MCPH1: variants seen among roughly 807,000 people sequenced by gnomAD.
MCPH1 encodes the protein microcephalin 1.
Under a neutral mutation model 84.5 loss-of-function variants are expected in MCPH1, and 104 were observed. That is an observed-to-expected ratio of 1.23 (90% CI 1.05 to 1.45). The LOEUF is 1.45. Ranked by LOEUF, MCPH1 falls within the 40% of genes most tolerant of loss-of-function variation. MCPH1 has a pLI of 0.00. For missense variants in MCPH1, 1,498 were observed against 1,005.7 expected, an observed-to-expected ratio of 1.49 and a Z score of -6.62; for synonymous variants, 514 against 366.8, an observed-to-expected ratio of 1.40 and a Z score of -4.58.
chr8:6,623,362 C>T (rs1042468107), intron 13 of MCPH1, among the ~76,000 whole-genome samples: 1 of 152,070 alleles, frequency 6.6e-6, no homozygotes, highest in South Asian at 2.1e-4. Flanking sequence ...CAATCTCTCT[C>T]TCTCTCTCCT....
chr8:6,413,713 T>TA (rs1273352072), intron 2 of MCPH1, among the ~76,000 whole-genome samples: 2 of 151,978 alleles, frequency 1.3e-5, no homozygotes, highest in Non-Finnish European at 2.9e-5. Flanking sequence ...AGGATCCTAT[T>TA]AAAAAATAAT....
At position 6,626,058 on chromosome 8, in the gene MCPH1, G is replaced by A; in HGVS notation, c.2452+4367G>A. The A allele has an allele frequency of 4.1e-6, 4 of 985,382 alleles. No homozygotes were observed. In the South Asian group the frequency reaches 1.9e-4, roughly 46 times the overall value. The allele number at this position is 985,382 out of a possible 1,614,324, so 61.0% of individuals were successfully genotyped here. A position where few individuals can be genotyped will look rare whatever the true frequency, so the allele number is the denominator to read the frequency against. On this transcript the variant is annotated intron_variant, in intron 13 of 13. Transcript: ENST00000344683. ...CACCACAGTCCACCCGCCAGCCTTTGTTCCTGCACAGTCTGCCTCTCAAGA... is the reference window on the plus strand; with the variant it reads ...CACCACAGTCCACCCGCCAGCCTTTATTCCTGCACAGTCTGCCTCTCAAGA...
chr8:6,626,477 T>TTG (rs202207910), intron 13 of MCPH1: 7,862 of 784,830 alleles, frequency 0.01, 25 homozygotes, highest in African/African-American at 0.028. Context: ...TTGTTTTGTT[T>TTG]TTTTTTTTTT....
chr8:6,643,412 G>C lies in MCPH1; in HGVS notation c.*363G>C, dbSNP rs1798058699. On this transcript the variant is annotated 3_prime_UTR_variant, in exon 14 of 14. Coordinates refer to ENST00000344683, the MANE Select transcript of MCPH1 (RefSeq NM_024596.5). ...CCTGAGTAGCTGGGATTACAGATGTGTGCCACCATGCCTGGCTAATTTTTG... is the reference window on the plus strand; with the variant it reads ...CCTGAGTAGCTGGGATTACAGATGTCTGCCACCATGCCTGGCTAATTTTTG... 1 of 293,480 alleles carries C rather than the reference G, an allele frequency of 3.4e-6. No individual in the cohort carries two copies. The highest frequency in any genetic ancestry group is 6.6e-6 in the Non-Finnish European group (1 of 152,616). 18.2% of individuals were successfully genotyped at this position (293,480 alleles called of 1,614,324 possible).
At chr8:6,589,339 ATATT>A (rs1828262272) in intron 12 of MCPH1, among the ~76,000 whole-genome samples, 1 of 152,198 alleles carries the variant, frequency 6.6e-6, no homozygotes, top group Non-Finnish European at 1.5e-5. Context: ...TGAGTGGAGA[ATATT>A]TATATGCTAT....
chr8:6,441,945 T>G, intron 6 of MCPH1, 122 bp from the exon 7 acceptor site: 4 of 718,164 alleles, frequency 5.6e-6, no homozygotes, highest in Non-Finnish European at 2.5e-6. Context: ...AGATCCCTTC[T>G]AACTTTGTGA....
chr8:6,429,103 G>A (rs1355885563), intron 3 of MCPH1, among the ~76,000 whole-genome samples: 1 of 152,208 alleles, frequency 6.6e-6, no homozygotes, highest in Non-Finnish European at 1.5e-5. Context: ...TGATTGCAGT[G>A]TACATGATAC....
chr8:6,624,603 G>C (rs1462045964), intron 13 of MCPH1, among the ~76,000 whole-genome samples: 5 of 152,120 alleles, frequency 3.3e-5, no homozygotes, highest in African/African-American at 4.8e-5. Context: ...ATAAAGAAGG[G>C]TTTATTTTTC....
At chr8:6,484,662 A>G (rs1809641355) in intron 11 of MCPH1, among the ~76,000 whole-genome samples, 1 of 152,218 alleles carries the variant, frequency 6.6e-6, no homozygotes, top group Admixed American at 6.5e-5. Flanking sequence ...AGCTGGACCA[A>G]CCATACTGTG....
rs187364318 is a variant in MCPH1 at position 6,436,021 on chromosome 8, A to C, written c.322-27A>C. Reference sequence around the variant, plus strand: ...CTGCCTTAAGCAGTTGCAGTACAGCATTAATTTTTGTGTTCTTTTTGCACA... The same window carrying C: ...CTGCCTTAAGCAGTTGCAGTACAGCCTTAATTTTTGTGTTCTTTTTGCACA... On this transcript the variant is annotated intron_variant, in intron 4 of 13. Coordinates refer to ENST00000344683, the MANE Select transcript of MCPH1 (RefSeq NM_024596.5). 8.1e-6 allele frequency: 13 copies of C among 1,611,978 alleles called. No homozygotes were observed. In the South Asian group the frequency reaches 1.4e-4, roughly 18 times the overall value.
At chr8:6,487,661 G>C (rs1214850938) in intron 11 of MCPH1, among the ~76,000 whole-genome samples, 1 of 152,160 alleles carries the variant, frequency 6.6e-6, no homozygotes, top group East Asian at 1.9e-4. Context: ...TGCCCTTCAG[G>C]TCTCTCTGGC....
At chr8:6,569,910 G>A (rs1826520821) in intron 12 of MCPH1, among the ~76,000 whole-genome samples, 1 of 152,184 alleles carries the variant, frequency 6.6e-6, no homozygotes, top group African/African-American at 2.4e-5. Context: ...TTGTATGAAA[G>A]CTCACCAGAC....
At chr8:6,407,576 G>A (rs11777868) in intron 1 of MCPH1, among the ~76,000 whole-genome samples, 42 of 152,240 alleles carry the variant, frequency 2.8e-4, no homozygotes, top group African/African-American at 8.9e-4. Flanking sequence ...TGTATTGTGG[G>A]GCCTGGAGTC....
chr8:6,408,818 C>T (rs931436781), intron 1 of MCPH1, among the ~76,000 whole-genome samples: 6 of 152,094 alleles, frequency 3.9e-5, no homozygotes, highest in East Asian at 1.9e-4. Context: ...CTGCCTTGGC[C>T]TTCCAGAGTG....
chr8:6,549,807 G>A (rs1429295118), intron 12 of MCPH1, among the ~76,000 whole-genome samples: 1 of 152,192 alleles, frequency 6.6e-6, no homozygotes, highest in Non-Finnish European at 1.5e-5. Context: ...GCACAGGTGC[G>A]CACAGATACA....
At chr8:6,594,006 C>A (rs1331145289) in intron 12 of MCPH1, among the ~76,000 whole-genome samples, 1 of 152,232 alleles carries the variant, frequency 6.6e-6, no homozygotes, top group African/African-American at 2.4e-5. Flanking sequence ...TGTCTCTTCT[C>A]TCCTATAACC....
chr8:6,506,080 A>T (rs1312319030), intron 12 of MCPH1, among the ~76,000 whole-genome samples: 3 of 150,260 alleles, frequency 2.0e-5, no homozygotes, highest in Middle Eastern at 7.0e-3. Context: ...TTGGTTTGTT[A>T]TTTCATCCAG....
chr8:6,503,479 C>A (rs548801953), intron 12 of MCPH1, among the ~76,000 whole-genome samples: 1 of 152,200 alleles, frequency 6.6e-6, no homozygotes, highest in Non-Finnish European at 1.5e-5. Flanking sequence ...TTTTACAAGC[C>A]TTCTTCCACC....
At chr8:6,514,550 C>A (rs1815856430) in intron 12 of MCPH1, 2 of 802,200 alleles carry the variant, frequency 2.5e-6, no homozygotes. Flanking sequence ...GAGACTGAAG[C>A]ACCAATTTTA....
Sources: gnomAD v4.1 joint callset for allele counts (sites outside exome capture counted in the v4.1 genomes callset) on GRCh38, gnomAD v4.1.1 for gene constraint, MANE v1.5 for transcripts, NCBI Gene and HGNC (gene_info 2026-07-23, HGNC 2026-07-21) for gene names.